Variants in DDX31 observed in about 807,000 individuals in gnomAD.
The protein encoded by DDX31 is DEAD-box helicase 31.
Under a neutral mutation model 91.3 loss-of-function variants are expected in DDX31, and 70 were observed. The ratio of observed to expected loss-of-function variants is 0.77; its 90% confidence interval spans 0.63 to 0.94. The LOEUF is 0.94. DDX31 is among the 40% of genes least tolerant of loss of function. The pLI is 0.00. For missense variants in DDX31, 902 were observed against 925.0 expected, an observed-to-expected ratio of 0.98 and a Z score of 0.32; for synonymous variants, 362 against 350.6, an observed-to-expected ratio of 1.03 and a Z score of -0.36.
rs1166041109 is a variant in DDX31 at position 132,632,076 on chromosome 9, C to T, written c.1456G>A (p.Gly486Ser). ...VLLCTDVAAR[G>S]LDLPQVTWIV... ...CACGTGACTTGAGGGAGATCTAAGCCCCGAGCTGCAACATCCTTTAACAAA... is the reference window on the plus strand; with the variant it reads ...CACGTGACTTGAGGGAGATCTAAGCTCCGAGCTGCAACATCCTTTAACAAA... The change falls in exon 15 of 20, where the codon GGC becomes AGC. Residue 486 changes from glycine to serine, a missense_variant. Physicochemically the swap from Gly to Ser is moderately conservative, Grantham distance 56 (BLOSUM62 0). Transcript: ENST00000372159. 1 of 1,613,124 alleles carries T rather than the reference C, an allele frequency of 6.2e-7. No homozygotes were observed. Among genetic ancestry groups the T allele is most frequent in the Non-Finnish European group, 8.5e-7 (1 of 1,179,482 alleles).
At chr9:132,665,916 G>C (rs1209529575) in intron 1 of DDX31, among the ~76,000 whole-genome samples, 1 of 152,114 alleles carries the variant, frequency 6.6e-6, no homozygotes, top group Non-Finnish European at 1.5e-5. Context: ...CTTTCCCCAG[G>C]CATCATGATT....
At chr9:132,629,685 C>A (rs1349523447) in intron 16 of DDX31, among the ~76,000 whole-genome samples, 1 of 152,190 alleles carries the variant, frequency 6.6e-6, no homozygotes, top group African/African-American at 2.4e-5. Context: ...CCATTTACAG[C>A]GAGCTGGGCT....
intron 13 of DDX31, among the ~76,000 whole-genome samples, chr9:132,643,784 A>G (rs962204262): frequency 2.0e-5 from 3 of 152,192 alleles, no homozygotes; most frequent in African/African-American, 7.2e-5. Context: ...CCATTTGTCC[A>G]GTCTGCTGCA....
intron 12 of DDX31, 94 bp from the exon 13 acceptor site, chr9:132,646,165 C>A: frequency 1.5e-6 from 2 of 1,291,814 alleles, no homozygotes. Flanking sequence ...CATGCTGACC[C>A]CCATTTGGAA....
chr9:132,603,172 G>A (rs1179945831), intron 19 of DDX31, among the ~76,000 whole-genome samples: 2 of 152,194 alleles, frequency 1.3e-5, no homozygotes, highest in Non-Finnish European at 2.9e-5. Context: ...CCACCGCCAC[G>A]AGCACTTAAA....
At chr9:132,638,352 G>T in intron 14 of DDX31, 1 of 1,614,132 alleles carries the variant, frequency 6.2e-7, no homozygotes, top group Non-Finnish European at 8.5e-7. Context: ...CTGGCTTAGG[G>T]TGAGTTCTTC....
At chr9:132,636,099 T>A (rs1833097988) in intron 14 of DDX31, among the ~76,000 whole-genome samples, 1 of 152,158 alleles carries the variant, frequency 6.6e-6, no homozygotes, top group Non-Finnish European at 1.5e-5. Context: ...GTAACTGAGA[T>A]TTGCAGGTTT....
chr9:132,651,248 C>T, intron 7 of DDX31, 132 bp from the exon 8 acceptor site: 1 of 732,922 alleles, frequency 1.4e-6, no homozygotes, highest in South Asian at 2.0e-5. Flanking sequence ...ATCCTATACA[C>T]AGAATCTAAT....
intron 19 of DDX31, among the ~76,000 whole-genome samples, chr9:132,599,243 C>G (rs1830600190): frequency 6.6e-6 from 1 of 152,174 alleles, no homozygotes; most frequent in Admixed American, 6.5e-5. Flanking sequence ...AACTGAGGCA[C>G]AGAGAGATTA....
chr9:132,654,363 C>CA (rs1213488526), intron 6 of DDX31, among the ~76,000 whole-genome samples: 2 of 152,204 alleles, frequency 1.3e-5, no homozygotes, highest in East Asian at 3.8e-4. Flanking sequence ...GTAATCTCAG[C>CA]ACTTTGGGAG....
chr9:132,662,381 C>G, intron 2 of DDX31, 45 bp from the exon 3 acceptor site: 1 of 1,613,984 alleles, frequency 6.2e-7, no homozygotes, highest in Non-Finnish European at 8.5e-7. Flanking sequence ...CCAATATTAA[C>G]AAAGAAAAGG....
chr9:132,652,116 G>A (rs1834227091), intron 7 of DDX31, among the ~76,000 whole-genome samples: 1 of 152,072 alleles, frequency 6.6e-6, no homozygotes, highest in Non-Finnish European at 1.5e-5. Context: ...CATTTTCAGA[G>A]CCAACTGCTT....
chr9:132,660,478 G>A (rs1303519108), intron 4 of DDX31, among the ~76,000 whole-genome samples: 2 of 152,192 alleles, frequency 1.3e-5, no homozygotes, highest in Non-Finnish European at 2.9e-5. Context: ...AGGATAGCAG[G>A]AGGAAGCTCG....
intron 18 of DDX31, among the ~76,000 whole-genome samples, chr9:132,617,746 G>A (rs986381947): frequency 6.6e-6 from 1 of 152,130 alleles, no homozygotes; most frequent in Non-Finnish European, 1.5e-5. Flanking sequence ...ATTACTCAAC[G>A]TGAACTGTGA....
chr9:132,659,974 T>C (rs960012500), intron 4 of DDX31, among the ~76,000 whole-genome samples, 194 bp from the exon 5 acceptor site: 6 of 152,222 alleles, frequency 3.9e-5, no homozygotes, highest in Non-Finnish European at 7.3e-5. Flanking sequence ...GTTATATTTT[T>C]AGAACTTAGC....
chr9:132,636,985 C>T (rs1008651429), intron 14 of DDX31, among the ~76,000 whole-genome samples: 11 of 152,134 alleles, frequency 7.2e-5, no homozygotes, highest in Non-Finnish European at 1.2e-4. Context: ...AATGAGACCA[C>T]GTATATGACA....
At chr9:132,659,168 C>T (rs1260999499) in intron 5 of DDX31, among the ~76,000 whole-genome samples, 1 of 152,194 alleles carries the variant, frequency 6.6e-6, no homozygotes, top group Non-Finnish European at 1.5e-5. Context: ...TCTCTAATTG[C>T]AGAGAAACCA....
chr9:132,612,218 G>A lies in DDX31; in HGVS notation c.1863C>T (p.Pro621=), dbSNP rs373977389. Residue 621 remains proline (P), a synonymous_variant, in exon 19 of 20, where the codon CCC becomes CCT. Transcript: ENST00000372159. ...CGTGGAAGATGTGCTTCAGCTCCCT[G>A]GGGTAGGTGGCGTAGGCTTGGATGA... ...QSFIQAYATY[P]RELKHIFHVR... 20 of 1,614,084 alleles carry A rather than the reference G, an allele frequency of 1.2e-5. No individual in the cohort carries two copies. In the African/African-American group the frequency reaches 2.0e-4, roughly 16 times the overall value.
chr9:132,627,836 T>C (rs913647022), intron 16 of DDX31, among the ~76,000 whole-genome samples: 16 of 152,212 alleles, frequency 1.1e-4, no homozygotes, highest in Admixed American at 7.2e-4. Context: ...GCCTGCCTTC[T>C]CCAATCTGCC....
Sources: allele counts gnomAD v4.1 joint callset (sites outside exome capture counted in the v4.1 genomes callset), GRCh38; gene constraint gnomAD v4.1.1; transcripts MANE v1.5; gene names NCBI Gene and HGNC (gene_info 2026-07-23, HGNC 2026-07-21).